The following TDRD5 variants were observed in gnomAD, a reference collection of about 807,000 sequenced individuals.
TDRD5 encodes the protein tudor domain-containing protein 5.
Under a neutral mutation model 120.6 loss-of-function variants are expected in TDRD5, and 41 were observed. That is an observed-to-expected ratio of 0.34 (90% CI 0.26 to 0.44). TDRD5 has a LOEUF of 0.44. Among genes scored for constraint, TDRD5 ranks in the 20% least tolerant of loss-of-function variants. TDRD5 has a pLI of 1.00. For missense variants in TDRD5, 1,006 were observed against 1,221.2 expected (o/e 0.82, Z 2.63); for synonymous variants, 430 against 433.7 (o/e 0.99, Z 0.11).
chr1:179,651,253 A>G (rs1028516010), intron 12 of TDRD5, among the ~76,000 whole-genome samples, 186 bp downstream of exon 12: 3 of 152,194 alleles, frequency 2.0e-5, no homozygotes, highest in African/African-American at 7.2e-5. Flanking sequence ...ACTGCATTTG[A>G]CTAATTGTCC....
intron 17 of TDRD5, among the ~76,000 whole-genome samples, chr1:179,688,612 T>A: frequency 1.3e-5 from 2 of 152,244 alleles, no homozygotes; most frequent in African/African-American, 4.8e-5. Flanking sequence ...GTTGGGGAAG[T>A]TCTCCTGGAT....
At chr1:179,660,211 G>GTTT (rs34435630) in intron 14 of TDRD5, among the ~76,000 whole-genome samples, 2 of 58,222 alleles carry the variant, frequency 3.4e-5, no homozygotes, top group African/African-American at 6.9e-5. Context: ...ATCTACTATG[G>GTTT]TTTTTTTTTT....
At chr1:179,625,352 G>A (rs1036168461) in intron 6 of TDRD5, among the ~76,000 whole-genome samples, 1 of 152,062 alleles carries the variant, frequency 6.6e-6, no homozygotes, top group Admixed American at 6.6e-5. Flanking sequence ...CTTCTATTTA[G>A]GAGACCCCAT....
intron 4 of TDRD5, among the ~76,000 whole-genome samples, chr1:179,618,098 AG>A (rs1395724179): frequency 6.6e-6 from 1 of 152,158 alleles, no homozygotes; most frequent in Non-Finnish European, 1.5e-5. Context: ...CCACATTCAC[AG>A]AGCCTTTCTT....
chr1:179,662,415 A>G, intron 15 of TDRD5, 129 bp downstream of exon 15: 1 of 886,514 alleles, frequency 1.1e-6, no homozygotes, highest in Non-Finnish European at 1.6e-6. Context: ...AGCCTGGGCA[A>G]CATGGTGAGA....
At position 179,663,394 on chromosome 1, in the gene TDRD5, A is replaced by G; in HGVS notation, c.2552A>G (p.Gln851Arg). 1.2e-6 allele frequency: 2 copies of G among 1,613,794 alleles called. No individual in the cohort carries two copies. Among genetic ancestry groups the G allele is most frequent in the Non-Finnish European group, 1.7e-6 (2 of 1,179,920 alleles). ...TPKDTWDDSW[Q>R]PSGLVNGTKV... The stretch of plus-strand genomic sequence containing the variant: ...AAAGATACATGGGATGATTCTTGGC[A>G]GCCTTCAGGCCTTGTAAATGGAACG... The change falls in exon 16 of 18, where the codon CAG becomes CGG. Residue 851 changes from glutamine (Q) to arginine (R), a missense_variant. Gln to Arg is a conservative substitution (Grantham distance 43). Transcript: ENST00000444136.
At chr1:179,639,755 G>T in intron 9 of TDRD5, 84 bp from the exon 10 acceptor site, 1 of 1,444,118 alleles carries the variant, frequency 6.9e-7, no homozygotes, top group Non-Finnish European at 9.4e-7. Flanking sequence ...TTTTTGCCAA[G>T]ACTTTCTGGC....
chr1:179,613,767 T>TA (rs1206095661), intron 4 of TDRD5, among the ~76,000 whole-genome samples: 1 of 152,170 alleles, frequency 6.6e-6, no homozygotes, highest in Non-Finnish European at 1.5e-5. Context: ...CACCTCCTAA[T>TA]ACTATCACCT....
intron 13 of TDRD5, 121 bp from the exon 14 acceptor site, chr1:179,654,080 T>C: frequency 1.3e-6 from 1 of 775,954 alleles, no homozygotes. Flanking sequence ...GATAAAGCTA[T>C]AAAATAATGT....
intron 17 of TDRD5, among the ~76,000 whole-genome samples, chr1:179,688,817 T>C (rs1680915913): frequency 6.6e-6 from 1 of 152,246 alleles, no homozygotes; most frequent in Non-Finnish European, 1.5e-5. Flanking sequence ...ACTGATACCC[T>C]TTCTTCCAGT....
chr1:179,613,535 T>G (rs1015766883), intron 4 of TDRD5, among the ~76,000 whole-genome samples: 2 of 152,202 alleles, frequency 1.3e-5, no homozygotes, highest in African/African-American at 4.8e-5. Flanking sequence ...TTTTCAACAT[T>G]CTTGGAAGCA....
At chr1:179,609,739 C>T (rs1422770868) in intron 4 of TDRD5, among the ~76,000 whole-genome samples, 1 of 152,134 alleles carries the variant, frequency 6.6e-6, no homozygotes, top group African/African-American at 2.4e-5. Flanking sequence ...CTGTTCCTAG[C>T]CCTGTGTGAG....
Position 179,635,899 on chromosome 1 carries a change from T to C in TDRD5, c.1520+12T>C, listed in dbSNP as rs558099976. On this transcript the variant is annotated intron_variant, in intron 9 of 17. Transcript: ENST00000444136. ...ATGATTGAAATGCGGTAGGAGTCTG[T>C]TGTTTTCAATGTGTTTTTCACATGT... The C allele has an allele frequency of 4.6e-5, 74 of 1,608,008 alleles. No homozygotes were observed. In the South Asian group the frequency reaches 7.8e-4, roughly 17 times the overall value.
chr1:179,659,588 T>C (rs890462874), intron 14 of TDRD5, among the ~76,000 whole-genome samples: 28 of 80,138 alleles, frequency 3.5e-4, no homozygotes, highest in African/African-American at 8.7e-4. Context: ...TGTGTGTGTG[T>C]GTGCGCGCGC....
chr1:179,657,613 C>T (rs1253135776), intron 14 of TDRD5, among the ~76,000 whole-genome samples: 5 of 141,100 alleles, frequency 3.5e-5, no homozygotes, highest in South Asian at 4.8e-4. Flanking sequence ...TAATCCTGGC[C>T]TCATAAAATA....
At chr1:179,645,178 C>T (rs530036108) in intron 11 of TDRD5, among the ~76,000 whole-genome samples, 6 of 146,554 alleles carry the variant, frequency 4.1e-5, no homozygotes, top group East Asian at 2.0e-4. Flanking sequence ...CTCCGCCTCC[C>T]GGGTTCACGC....
Position 179,592,804 on chromosome 1 carries a change from T to C in TDRD5, c.189T>C (p.Val63=). 1 of 1,614,218 alleles carries C rather than the reference T, an allele frequency of 6.2e-7. No individual in the cohort carries two copies. Among genetic ancestry groups the C allele is most frequent in the Non-Finnish European group, 8.5e-7 (1 of 1,180,028 alleles). ...AGCTGGTATTGGACATGCCTGATGT[T>C]GTTCGTGTCTGCCCCGGTGCAGGTG... ...TMELVLDMPD[V]VRVCPGAGGT... is the part of the protein sequence containing the mutation. Residue 63 remains valine, a synonymous_variant, in exon 2 of 18, where the codon GTT becomes GTC. Transcript: ENST00000444136.
intron 4 of TDRD5, among the ~76,000 whole-genome samples, chr1:179,599,635 T>A (rs1468356731): frequency 6.6e-6 from 1 of 152,106 alleles, no homozygotes. Flanking sequence ...TTCATAATGT[T>A]CTCCCAGTAA....
At chr1:179,688,908 G>A (rs1165858587) in intron 17 of TDRD5, among the ~76,000 whole-genome samples, 1 of 152,126 alleles carries the variant, frequency 6.6e-6, no homozygotes, top group South Asian at 2.1e-4. Context: ...AGTCTTTAAG[G>A]TCTTCTCTAT....
Sources: allele counts gnomAD v4.1 joint callset (sites outside exome capture counted in the v4.1 genomes callset), GRCh38; gene constraint gnomAD v4.1.1; transcripts MANE v1.5; gene names NCBI Gene and HGNC (gene_info 2026-07-23, HGNC 2026-07-21).